Variants in SCP2 observed in about 807,000 individuals in gnomAD.
SCP2 encodes the protein sterol carrier protein 2.
Under a neutral mutation model 71.4 loss-of-function variants are expected in SCP2, and 48 were observed. The ratio of observed to expected loss-of-function variants is 0.67; its 90% CI spans 0.53 to 0.86. The LOEUF (loss-of-function observed/expected upper bound fraction) is 0.86. Ranked by LOEUF, SCP2 falls within the 40% of genes least tolerant of loss-of-function variation. The pLI is 0.00. For synonymous variants in SCP2, 220 were observed against 218.1 expected (o/e 1.01, Z -0.08); for missense variants, 560 against 655.6 (o/e 0.85, Z 1.59).
chr1:52,950,703 T>C (rs1258285416), intron 3 of SCP2, 52 bp from the exon 4 acceptor site: 2 of 1,486,538 alleles, frequency 1.3e-6, no homozygotes, highest in Non-Finnish European at 1.9e-6. Context: ...AGTATTATGT[T>C]GCATTGCAAC....
chr1:52,976,909 A>G (rs1658022889), intron 8 of SCP2, 140 bp downstream of exon 8: 1 of 639,822 alleles, frequency 1.6e-6, no homozygotes, highest in Admixed American at 2.6e-5. Context: ...ACTCTGGGTC[A>G]CTTCACTAGA....
rs542317004 is a variant in SCP2, at chr1:52,976,900, C to T, written c.674+131C>T. The T allele has an allele frequency of 9.2e-6, 6 of 655,082 alleles. No individual in the cohort carries two copies. The East Asian group carries it at 1.4e-4, about 15-fold the overall frequency. 40.6% of individuals were successfully genotyped at this position (655,082 alleles called of 1,614,324 possible). On this transcript the variant is annotated intron_variant, in intron 8 of 15. Coordinates refer to ENST00000371514, the MANE Select transcript of SCP2 (RefSeq NM_002979.5). ...AGAACTCCTCCCAGTGCCGTCCCCA[C>T]TCTGGGTCACTTCACTAGAGTACCC...
intron 5 of SCP2, among the ~76,000 whole-genome samples, chr1:52,955,973 G>A (rs1253946030): frequency 2.1e-4 from 30 of 140,794 alleles, no homozygotes; most frequent in African/African-American, 6.5e-4. Flanking sequence ...TTATTGGCAT[G>A]AAAAAAAAAA....
intron 1 of SCP2, among the ~76,000 whole-genome samples, chr1:52,929,546 A>G (rs1380482670): frequency 2.6e-5 from 4 of 151,988 alleles, no homozygotes; most frequent in South Asian, 4.2e-4. Context: ...CCCAGGTTCA[A>G]GTGATTCTTC....
intron 1 of SCP2, among the ~76,000 whole-genome samples, chr1:52,940,955 G>C (rs181380462): frequency 3.9e-5 from 6 of 152,164 alleles, no homozygotes; most frequent in Admixed American, 3.9e-4. Flanking sequence ...CTACCATGTT[G>C]GCCAGGCTGG....
At chr1:52,942,143 T>C (rs1654313892) in intron 2 of SCP2, among the ~76,000 whole-genome samples, 1 of 152,164 alleles carries the variant, frequency 6.6e-6, no homozygotes, top group African/African-American at 2.4e-5. Context: ...AGGGATAACA[T>C]CATTCTAGTG....
At position 52,927,372 on chromosome 1, in the gene SCP2, G is replaced by T; in HGVS notation, c.-25G>T. ...GTGCCGGCAGTCGTCCGCGGCGCCC[G>T]CCCCGGTCCCGCACTGGTGCAGCCA... is the stretch of plus-strand genomic sequence containing the variant. On this transcript the variant is annotated 5_prime_UTR_variant, in exon 1 of 16. Coordinates refer to ENST00000371514, the MANE Select transcript of SCP2 (RefSeq NM_002979.5). 2.6e-6 allele frequency: 4 copies of T among 1,564,906 alleles called. No homozygotes were observed. Among genetic ancestry groups the T allele is most frequent in the South Asian group, 1.2e-5 (1 of 85,182 alleles).
chr1:53,041,405 A>G (rs1311025467), intron 14 of SCP2, among the ~76,000 whole-genome samples: 2 of 94,126 alleles, frequency 2.1e-5, no homozygotes, highest in Non-Finnish European at 3.5e-5. Flanking sequence ...CTGTCTTGAG[A>G]AAAAAAAAAA....
chr1:52,995,390 A>G (rs1463626333), intron 11 of SCP2: 4 of 461,468 alleles, frequency 8.7e-6, no homozygotes, highest in Admixed American at 2.6e-5. Context: ...GGGGACTTGA[A>G]CCACCTTGTC....
At chr1:53,026,569 A>T (rs1177928247) in intron 12 of SCP2, among the ~76,000 whole-genome samples, 1 of 152,204 alleles carries the variant, frequency 6.6e-6, no homozygotes, top group Non-Finnish European at 1.5e-5. Context: ...GCACCTTGGG[A>T]GGCCAATGTG....
intron 14 of SCP2, among the ~76,000 whole-genome samples, chr1:53,044,149 C>T (rs1045496101): frequency 6.6e-6 from 1 of 152,054 alleles, no homozygotes; most frequent in African/African-American, 2.4e-5. Context: ...ACCTCTGCTC[C>T]TGGGTTCAAG....
intron 14 of SCP2, among the ~76,000 whole-genome samples, chr1:53,040,714 C>A (rs1428319677): frequency 4.6e-5 from 7 of 152,094 alleles, no homozygotes; most frequent in Non-Finnish European, 7.4e-5. Flanking sequence ...GAGCGAGACT[C>A]CGTCTAAAAA....
rs571478048 is a variant in SCP2 at position 52,946,776 on chromosome 1, G to T, written c.128-1233G>T. On this transcript the variant is annotated intron_variant, in intron 2 of 15. Coordinates refer to ENST00000371514, the MANE Select transcript of SCP2 (RefSeq NM_002979.5). ...TTATATGTTTAAAAAAAAAAAAAAA[G>T]CCAGGCTTGGTGGCTCACACCTGTA... 7.3e-4 allele frequency among the ~76,000 whole-genome samples: 97 copies of T among 133,530 alleles called. No homozygotes were observed. The East Asian group carries it at 0.019, about 26-fold the overall frequency. The allele number at this position is 133,530 out of a possible 152,430, so 87.6% of individuals were successfully genotyped here.
At chr1:53,007,111 G>A (rs1232756451) in intron 11 of SCP2, among the ~76,000 whole-genome samples, 1 of 152,086 alleles carries the variant, frequency 6.6e-6, no homozygotes, top group Admixed American at 6.6e-5. Flanking sequence ...CCCAATACAG[G>A]AGCACCCGGA....
intron 6 of SCP2, among the ~76,000 whole-genome samples, chr1:52,964,444 C>T (rs1656766657): frequency 6.6e-6 from 1 of 151,820 alleles, no homozygotes; most frequent in South Asian, 2.1e-4. Flanking sequence ...TCGTGATCCG[C>T]CCAACTCAGC....
intron 6 of SCP2, among the ~76,000 whole-genome samples, chr1:52,971,501 A>G (rs897454615): frequency 6.6e-6 from 1 of 152,226 alleles, no homozygotes; most frequent in Non-Finnish European, 1.5e-5. Context: ...AATCACTTAC[A>G]TGAGGCAGAT....
chr1:53,035,263 G>A (rs1662847207), intron 13 of SCP2, among the ~76,000 whole-genome samples: 1 of 152,012 alleles, frequency 6.6e-6, no homozygotes, highest in African/African-American at 2.4e-5. Flanking sequence ...AACATTAAAA[G>A]ATTAGTATAT....
intron 15 of SCP2, chr1:53,048,713 A>G (rs74550275): frequency 0.038 from 5,766 of 153,518 alleles, 290 homozygotes; most frequent in African/African-American, 0.12. Context: ...GCATTTGTCT[A>G]AAGTGTGTTT....
At chr1:53,036,536 T>C (rs1469074225) in intron 13 of SCP2, among the ~76,000 whole-genome samples, 1 of 148,862 alleles carries the variant, frequency 6.7e-6, no homozygotes, top group Non-Finnish European at 1.5e-5. Flanking sequence ...CTTGAATATA[T>C]ATATAATAAT....
Sources: gnomAD v4.1 joint callset for allele counts (sites outside exome capture counted in the v4.1 genomes callset) on GRCh38, gnomAD v4.1.1 for gene constraint, MANE v1.5 for transcripts, NCBI Gene and HGNC (gene_info 2026-07-23, HGNC 2026-07-21) for gene names.